LAMA1: variants seen among roughly 807,000 people sequenced by gnomAD.
LAMA1 encodes laminin subunit alpha-1.
In LAMA1, 219 loss-of-function variants were observed where a neutral mutation model predicts 348.7. The ratio of observed to expected loss-of-function variants is 0.63; its 90% confidence interval spans 0.56 to 0.70. LAMA1 has a LOEUF of 0.70. LAMA1 is among the 30% of genes least tolerant of loss of function. The pLI is 0.00. For missense variants in LAMA1, 3,744 were observed against 3,888.0 expected (o/e 0.96, Z 0.99); for synonymous variants, 1,487 against 1,491.0 (o/e 1.00, Z 0.06).
chr18:6,958,588 A>G lies in LAMA1; in HGVS notation c.7853T>C (p.Ile2618Thr). 6.2e-7 allele frequency: 1 copy of G among 1,614,096 alleles called. No homozygotes were observed. ...KLGTLVESRT[I>T]NVSNLYVGGI... ...CCCGACGTACAGATTGGACACATTT[A>G]TCGTCCTGCTTTCTACTAATGTGCC... Residue 2618 changes from isoleucine (I) to threonine (T), a missense_variant, in exon 55 of 63, where the codon ATA becomes ACA. Ile to Thr is a moderately conservative substitution (Grantham distance 89). Transcript: ENST00000389658.
At chr18:7,098,882 G>A (rs868197280) in intron 1 of LAMA1, among the ~76,000 whole-genome samples, 90 of 127,582 alleles carry the variant, frequency 7.1e-4, no homozygotes, top group South Asian at 4.8e-3. Flanking sequence ...CGCCCCGTCC[G>A]GGAGGTGAGG....
intron 19 of LAMA1, among the ~76,000 whole-genome samples, chr18:7,021,528 G>C (rs767555120): frequency 9.2e-5 from 14 of 151,848 alleles, no homozygotes; most frequent in Non-Finnish European, 1.8e-4. Context: ...GGAAAATGTA[G>C]CATCCTAATT....
chr18:7,006,498 A>G (rs1020707354), intron 29 of LAMA1, among the ~76,000 whole-genome samples: 5 of 152,220 alleles, frequency 3.3e-5, no homozygotes, highest in African/African-American at 1.2e-4. Context: ...GTTCTCATCT[A>G]TTTTGACTAC....
At chr18:6,990,275 T>C (rs2057752817) in intron 36 of LAMA1, among the ~76,000 whole-genome samples, 1 of 152,164 alleles carries the variant, frequency 6.6e-6, no homozygotes, top group Admixed American at 6.5e-5. Context: ...CCTGGCACAA[T>C]GCTTGTAACC....
Position 7,008,584 on chromosome 18 carries a change from A to C in LAMA1, c.4026T>G (p.Val1342=), listed in dbSNP as rs73938538. The part of the protein sequence containing the change: ...QSRISDISME[V]GRKAEKLHPE... ...GGTGCAGCTTTTCAGCCTTTCTGCC[A>C]ACCTCCATTGAAATGTCTGAGATTC... Residue 1342 remains valine (V), a synonymous_variant, in exon 28 of 63, where the codon GTT becomes GTG. Transcript: ENST00000389658. 0.11 allele frequency: 169,900 copies of C among 1,612,296 alleles called. 10,731 individuals carry two copies. Among genetic ancestry groups the C allele is most frequent in the African/African-American group, 0.3 (22,276 of 74,930 alleles).
chr18:7,092,615 C>A (rs1366314535), intron 1 of LAMA1, among the ~76,000 whole-genome samples: 1 of 132,284 alleles, frequency 7.6e-6, no homozygotes, highest in East Asian at 2.1e-4. Context: ...CAGAGCGAGT[C>A]TCTGTCTCGG....
chr18:7,055,178 C>T (rs1036580201), intron 3 of LAMA1, among the ~76,000 whole-genome samples: 4 of 151,274 alleles, frequency 2.6e-5, no homozygotes, highest in African/African-American at 9.7e-5. Flanking sequence ...AGGCCAGGAG[C>T]GGTGGCTCAT....
At chr18:7,022,784 C>T (rs2057923843) in intron 19 of LAMA1, among the ~76,000 whole-genome samples, 1 of 152,208 alleles carries the variant, frequency 6.6e-6, no homozygotes, top group Non-Finnish European at 1.5e-5. Flanking sequence ...CACCCTTCAT[C>T]TTGGAATCCC....
intron 16 of LAMA1, among the ~76,000 whole-genome samples, chr18:7,027,634 T>C (rs924196722): frequency 1.3e-5 from 2 of 151,638 alleles, no homozygotes; most frequent in African/African-American, 2.4e-5. Context: ...GATGATGGAA[T>C]TGGCAGGCTT....
At chr18:7,019,085 C>A (rs1464804750) in intron 19 of LAMA1, among the ~76,000 whole-genome samples, 1 of 151,830 alleles carries the variant, frequency 6.6e-6, no homozygotes, top group Non-Finnish European at 1.5e-5. Context: ...CACAAGACAC[C>A]CCCTCCCTTT....
chr18:6,951,574 G>T (rs1455696071), intron 57 of LAMA1, among the ~76,000 whole-genome samples: 1 of 152,174 alleles, frequency 6.6e-6, no homozygotes, highest in East Asian at 1.9e-4. Context: ...CGGCACAGTG[G>T]GAAGTCACAG....
chr18:7,081,145 G>C (rs929386153), intron 1 of LAMA1, among the ~76,000 whole-genome samples: 1 of 151,904 alleles, frequency 6.6e-6, no homozygotes, highest in African/African-American at 2.4e-5. Context: ...AATAGAGCGA[G>C]ACTGAGCCTC....
At chr18:7,073,168 G>C (rs1173969959) in intron 3 of LAMA1, among the ~76,000 whole-genome samples, 1 of 152,084 alleles carries the variant, frequency 6.6e-6, no homozygotes, top group African/African-American at 2.4e-5. Flanking sequence ...GCCTTTAAAT[G>C]ACTGGTGTGG....
chr18:7,039,048 G>C, intron 10 of LAMA1, 98 bp from the exon 11 acceptor site: 1 of 984,400 alleles, frequency 1.0e-6, no homozygotes, highest in East Asian at 2.4e-5. Flanking sequence ...GATCCACAGA[G>C]ACAGGTGAAT....
intron 1 of LAMA1, among the ~76,000 whole-genome samples, chr18:7,083,323 T>C (rs1264406452): frequency 4.6e-5 from 7 of 151,724 alleles, no homozygotes; most frequent in African/African-American, 7.2e-5. Context: ...GTAGCTGGGA[T>C]TACACATGCG....
intron 3 of LAMA1, among the ~76,000 whole-genome samples, chr18:7,061,364 G>A (rs748924753): frequency 1.1e-4 from 16 of 152,186 alleles, no homozygotes; most frequent in Non-Finnish European, 1.9e-4. Flanking sequence ...GTCACCAAAT[G>A]CTCTTTGTGA....
chr18:6,963,355 G>T (rs2057617391), intron 51 of LAMA1, among the ~76,000 whole-genome samples: 2 of 152,174 alleles, frequency 1.3e-5, no homozygotes, highest in Non-Finnish European at 2.9e-5. Context: ...ATCTGGGATG[G>T]GATCTGGAGA....
intron 21 of LAMA1, 86 bp downstream of exon 21, chr18:7,016,405 A>G (rs1168432689): frequency 3.3e-6 from 5 of 1,498,828 alleles, no homozygotes; most frequent in Non-Finnish European, 4.6e-6. Context: ...AAGGCACTTA[A>G]CCAAAATTAG....
chr18:7,108,632 C>A (rs955649616), intron 1 of LAMA1, among the ~76,000 whole-genome samples: 5 of 71,292 alleles, frequency 7.0e-5, no homozygotes, highest in Non-Finnish European at 2.3e-5. Context: ...CTGAGACAGA[C>A]TCTGTCTCAA....
Sources: allele counts gnomAD v4.1 joint callset (sites outside exome capture counted in the v4.1 genomes callset), GRCh38; gene constraint gnomAD v4.1.1; transcripts MANE v1.5; gene names NCBI Gene and HGNC (gene_info 2026-07-23, HGNC 2026-07-21).